Variants in PDK4 observed in about 807,000 individuals in gnomAD.
PDK4 encodes pyruvate dehydrogenase kinase, isozyme 4.
A neutral mutation model predicts 51.7 loss-of-function variants in PDK4; 43 were observed. The observed-to-expected ratio is 0.83, with a 90% CI of 0.65 to 1.07. The LOEUF is 1.07. Ranked by LOEUF, PDK4 falls within the 50% of genes least tolerant of loss-of-function variation. PDK4 has a pLI of 0.00. For synonymous variants in PDK4, 170 were observed against 176.6 expected (o/e 0.96, Z 0.30); for missense variants, 498 against 503.5 (o/e 0.99, Z 0.10).
chr7:95,585,769 C>G lies in PDK4; in HGVS notation c.1108G>C (p.Glu370Gln). ...AIIYLKALSS[E>Q]SIEKLPVFNK... is the part of the protein sequence containing the mutation. ...AAAACTGGAAGTTTTTCTATAGACT[C>G]AGAAGACAAAGCCTAAAAGAAAAGG... Residue 370 changes from glutamate (E) to glutamine (Q), a missense_variant, in exon 11 of 11, where the codon GAG becomes CAG. Glu to Gln is a conservative substitution (Grantham distance 29). Coordinates refer to ENST00000005178, the MANE Select transcript of PDK4 (RefSeq NM_002612.4). The G allele has an allele frequency of 1.3e-5, 21 of 1,591,266 alleles. No homozygotes were observed. Among genetic ancestry groups the G allele is most frequent in the Non-Finnish European group, 1.8e-5 (21 of 1,162,974 alleles).
intron 6 of PDK4, 74 bp downstream of exon 6, chr7:95,591,914 A>G (rs1791556487): frequency 2.5e-6 from 2 of 797,488 alleles, no homozygotes; most frequent in African/African-American, 1.8e-5. Context: ...GTTGCTTTAT[A>G]TTTACAAAAA....
At chr7:95,588,939 C>T (rs1359664267) in intron 7 of PDK4, among the ~76,000 whole-genome samples, 1 of 152,126 alleles carries the variant, frequency 6.6e-6, no homozygotes, top group Non-Finnish European at 1.5e-5. Context: ...GGGTAGAGCC[C>T]AAGAATCTGT....
At chr7:95,593,574 T>G (rs1791577909) in intron 3 of PDK4, 125 bp downstream of exon 3, 1 of 496,060 alleles carries the variant, frequency 2.0e-6, no homozygotes, top group Non-Finnish European at 3.6e-6. Context: ...AAACTTGTCA[T>G]GTGTAAGAGG....
At chr7:95,595,531 A>G (rs1791608834) in intron 1 of PDK4, among the ~76,000 whole-genome samples, 1 of 152,186 alleles carries the variant, frequency 6.6e-6, no homozygotes, top group African/African-American at 2.4e-5. Context: ...GAGTGGGGAC[A>G]TGGAATTGGA....
At chr7:95,590,316 G>GT (rs1376431886) in intron 6 of PDK4, among the ~76,000 whole-genome samples, 2 of 151,684 alleles carry the variant, frequency 1.3e-5, no homozygotes, top group Non-Finnish European at 1.5e-5. Flanking sequence ...GATTTTTCTT[G>GT]TTTTTTGTAT....
intron 2 of PDK4, chr7:95,594,782 T>C (rs1791595501): frequency 1.8e-5 from 5 of 285,406 alleles, no homozygotes; most frequent in Admixed American, 5.1e-5. Flanking sequence ...TTCAAATTTT[T>C]CCTAGAACTC....
chr7:95,592,616 A>C lies in PDK4; in HGVS notation c.530-19T>G, dbSNP rs199764161. 8.0e-7 allele frequency: 1 copy of C among 1,245,768 alleles called. No homozygotes were observed. Among genetic ancestry groups the C allele is most frequent in the South Asian group, 1.8e-5 (1 of 55,396 alleles). 77.2% of individuals were successfully genotyped at this position (1,245,768 alleles called of 1,614,324 possible). ...ATAAGAACTGTTGAAAAATAAAAACAAAAAAAAATTGTTATAAAATTCAGG... is the reference window on the plus strand; with the variant it reads ...ATAAGAACTGTTGAAAAATAAAAACCAAAAAAAATTGTTATAAAATTCAGG... On this transcript the variant is annotated intron_variant, in intron 4 of 10. Transcript: ENST00000005178.
intron 6 of PDK4, 136 bp downstream of exon 6, chr7:95,591,852 C>T: frequency 1.8e-6 from 1 of 553,890 alleles, no homozygotes; most frequent in Non-Finnish European, 3.2e-6. Context: ...AGAACCTTGT[C>T]TTCAAAAAAA....
At chr7:95,586,069 GT>G (rs1791478023) in intron 10 of PDK4, among the ~76,000 whole-genome samples, 1 of 151,952 alleles carries the variant, frequency 6.6e-6, no homozygotes, top group Non-Finnish European at 1.5e-5. Context: ...GAGCCTGAAA[GT>G]TTAATGTTTT....
rs773129064 is a variant in PDK4 at position 95,596,248 on chromosome 7, C to T, written c.46G>A (p.Gly16Ser). 3 of 1,595,930 alleles carry T rather than the reference C, an allele frequency of 1.9e-6. No homozygotes were observed. The highest frequency in any genetic ancestry group is 1.1e-5 in the South Asian group (1 of 88,864). ...ACCTCTCGGGGCACCAGGCCGGCGC[C>T]GTTGAGCGAGCCAGCGCTGCGCAGC... ...FVLRSAGSLN[G>S]AGLVPREVEH... is the part of the protein sequence containing the mutation. The change falls in exon 1 of 11, where the codon GGC becomes AGC. Residue 16 changes from glycine (G) to serine (S), a missense_variant. Gly to Ser is a moderately conservative substitution (Grantham distance 56). Coordinates refer to ENST00000005178, the MANE Select transcript of PDK4 (RefSeq NM_002612.4).
chr7:95,590,784 G>A (rs1791543254), intron 6 of PDK4, among the ~76,000 whole-genome samples: 2 of 152,186 alleles, frequency 1.3e-5, no homozygotes, highest in Admixed American at 1.3e-4. Context: ...GAAAAGAGAA[G>A]GTAATTCCAA....
chr7:95,591,500 C>T (rs1791552076), intron 6 of PDK4, among the ~76,000 whole-genome samples: 1 of 152,196 alleles, frequency 6.6e-6, no homozygotes, highest in South Asian at 2.1e-4. Flanking sequence ...CTGACAACTA[C>T]CATTCTACTC....
intron 7 of PDK4, 38 bp from the exon 8 acceptor site, chr7:95,587,863 G>T: frequency 8.2e-7 from 1 of 1,219,626 alleles, no homozygotes; most frequent in South Asian, 1.3e-5. Context: ...CAATGGCAGA[G>T]GAATGAGGGA....
At chr7:95,585,810 A>C (rs1394167204) in intron 10 of PDK4, 29 bp from the exon 11 acceptor site, 8 of 1,571,874 alleles carry the variant, frequency 5.1e-6, no homozygotes, top group Non-Finnish European at 7.0e-6. Context: ...AAAACATGAG[A>C]CCAAAGAAAT....
chr7:95,587,870 G>A, intron 7 of PDK4, 45 bp from the exon 8 acceptor site: 1 of 1,177,848 alleles, frequency 8.5e-7, no homozygotes, highest in South Asian at 1.3e-5. Flanking sequence ...AGAGGAATGA[G>A]GGACAATAAA....
chr7:95,593,002 C>A lies in PDK4; in HGVS notation c.345-58G>T, dbSNP rs1354002235. On this transcript the variant is annotated intron_variant, in intron 3 of 10. Coordinates refer to ENST00000005178, the MANE Select transcript of PDK4 (RefSeq NM_002612.4). ...CAAATACGTTTCATTCACTTATACTCCTAAGGTTACTTCACAGAAGGCTAA... is the reference window on the plus strand; with the variant it reads ...CAAATACGTTTCATTCACTTATACTACTAAGGTTACTTCACAGAAGGCTAA... The A allele has an allele frequency of 3.4e-6, 4 of 1,181,210 alleles. No homozygotes were observed. The African/African-American group carries it at 6.1e-5, about 18-fold the overall frequency. 73.2% of individuals were successfully genotyped at this position (1,181,210 alleles called of 1,614,324 possible).
chr7:95,596,196 G>A lies in PDK4; in HGVS notation c.98C>T (p.Ser33Phe). The change falls in exon 1 of 11, where the codon TCC (serine) becomes TTC (phenylalanine). Residue 33 changes from serine to phenylalanine, a missense_variant. Physicochemically the swap from Ser to Phe is radical, Grantham distance 155. Coordinates refer to ENST00000005178, the MANE Select transcript of PDK4 (RefSeq NM_002612.4). ...EVEHFSRYSP[S>F]PLSMKQLLDF... ...CAGTAGCTGCTTCATGGACAGCGGG[G>A]ACGGGCTGTAGCGCGAGAAATGCTC... 6.2e-7 allele frequency: 1 copy of A among 1,604,722 alleles called. No individual in the cohort carries two copies.
At chr7:95,591,890 A>G in intron 6 of PDK4, 98 bp downstream of exon 6, 1 of 670,582 alleles carries the variant, frequency 1.5e-6, no homozygotes, top group South Asian at 1.9e-5. Context: ...GCAAGAGAAA[A>G]AATGAACACA....
chr7:95,594,428 TG>T (rs1219489230), intron 2 of PDK4, among the ~76,000 whole-genome samples: 63 of 140,444 alleles, frequency 4.5e-4, no homozygotes, highest in African/African-American at 1.6e-3. Flanking sequence ...CTGTCCTAAG[TG>T]GTTTTTTTTT....
Sources: allele counts gnomAD v4.1 joint callset (sites outside exome capture counted in the v4.1 genomes callset), GRCh38; gene constraint gnomAD v4.1.1; transcripts MANE v1.5; gene names NCBI Gene and HGNC (gene_info 2026-07-23, HGNC 2026-07-21).